Variants in EIF2B4 observed in about 807,000 individuals in gnomAD.
EIF2B4 encodes translation initiation factor eIF2B subunit delta.
In EIF2B4, 34 loss-of-function variants were observed where a neutral mutation model predicts 66.7. That is an observed-to-expected ratio of 0.51 (90% CI 0.39 to 0.68). The LOEUF (loss-of-function observed/expected upper bound fraction) is 0.68. Among genes scored for constraint, EIF2B4 ranks in the 30% least tolerant of loss-of-function variants. The probability of loss-of-function intolerance (pLI) is 0.00; values close to 1 mark genes in which losing one functional copy is unlikely to be tolerated. For synonymous variants in EIF2B4, 278 were observed against 253.6 expected (o/e 1.10, Z -0.92); for missense variants, 618 against 657.9 (o/e 0.94, Z 0.66).
intron 4 of EIF2B4, 94 bp downstream of exon 4, chr2:27,368,912 C>G (rs1682088032): frequency 6.5e-7 from 1 of 1,536,602 alleles, no homozygotes; most frequent in South Asian, 1.1e-5. Context: ...CTCTGGGTCC[C>G]AAGAATGAGA....
intron 1 of EIF2B4, 139 bp downstream of exon 1, chr2:27,370,145 C>T: frequency 6.5e-7 from 1 of 1,534,648 alleles, no homozygotes; most frequent in Non-Finnish European, 8.8e-7. Context: ...CGCGGGACTG[C>T]GCTCGAGACT....
At chr2:27,368,879 G>A (rs1404103366) in intron 4 of EIF2B4, 127 bp downstream of exon 4, 2 of 1,416,928 alleles carry the variant, frequency 1.4e-6, no homozygotes, top group East Asian at 2.3e-5. Context: ...ATAGGATAAT[G>A]GGGTTGCAGG....
chr2:27,369,594 AG>A, intron 2 of EIF2B4, 45 bp from the exon 3 acceptor site: 1 of 1,613,386 alleles, frequency 6.2e-7, no homozygotes, highest in Non-Finnish European at 8.5e-7. Flanking sequence ...ACAATTCCAA[AG>A]GGGAACAAAT....
chr2:27,368,430 T>A lies in EIF2B4; in HGVS notation c.532A>T (p.Ser178Cys), dbSNP rs745575196. The A allele has an allele frequency of 6.2e-7, 1 of 1,614,178 alleles. No homozygotes were observed. Among genetic ancestry groups the A allele is most frequent in the East Asian group, 2.2e-5 (1 of 44,890 alleles). The change falls in exon 6 of 13, where the codon AGT (serine) becomes TGT (cysteine). Residue 178 changes from serine (S) to cysteine (C), a missense_variant. Physicochemically the swap from Ser to Cys is moderately radical, Grantham distance 112. This residue lies in a region of EIF2B4 where 506 missense variants were observed against 511.9 expected (regional missense o/e 0.99). Transcript: ENST00000347454. ...PTRKDYGSKVSLFSHLPQYSR... is the reference protein window; with the variant it reads ...PTRKDYGSKVCLFSHLPQYSR... ...TACTGGGGTAGGTGAGAGAAGAGAC[T>A]GACTTTGGATCCATAATCCTTTCGT...
chr2:27,366,972 G>A (rs755199535), intron 10 of EIF2B4, 36 bp from the exon 11 acceptor site: 6 of 1,613,652 alleles, frequency 3.7e-6, no homozygotes, highest in Admixed American at 3.3e-5. Flanking sequence ...AGTTATAAAT[G>A]TCAGTAACTG....
At chr2:27,369,794 G>C in intron 2 of EIF2B4, 82 bp downstream of exon 2, 3 of 1,499,240 alleles carry the variant, frequency 2.0e-6, no homozygotes, top group Non-Finnish European at 2.7e-6. Flanking sequence ...ACCGACACGG[G>C]ATGGGAGCTG....
At position 27,368,064 on chromosome 2, in the gene EIF2B4, G is replaced by A. The variant is rs1416306656; in HGVS notation, c.666C>T (p.Ser222=). The A allele has an allele frequency of 4.4e-6, 7 of 1,598,290 alleles. No homozygotes were observed. The highest frequency in any genetic ancestry group is 6.0e-6 in the Non-Finnish European group (7 of 1,172,228). The change falls in exon 7 of 13, where the codon TCC becomes TCT. Residue 222 remains serine (S), a synonymous_variant. Coordinates refer to ENST00000347454, the MANE Select transcript of EIF2B4 (RefSeq NM_001034116.2). Reference sequence around the variant, plus strand: ...GAAGCAGGGCAATACACCGGGCATTGGAGCCACTGACCAGGCCCTGGGAGT... The same window carrying A: ...GAAGCAGGGCAATACACCGGGCATTAGAGCCACTGACCAGGCCCTGGGAGT... ...LQYSQGLVSG[S]NARCIALLRA... is the part of the protein sequence containing the mutation.
At chr2:27,369,852 G>A in intron 2 of EIF2B4, 24 bp downstream of exon 2, 1 of 1,564,762 alleles carries the variant, frequency 6.4e-7, no homozygotes, top group Non-Finnish European at 8.7e-7. Flanking sequence ...TTGGCAGGCG[G>A]CTTGGGAGGG....
At chr2:27,368,271 C>T in intron 6 of EIF2B4, 101 bp downstream of exon 6, 1 of 1,359,432 alleles carries the variant, frequency 7.4e-7, no homozygotes, top group Non-Finnish European at 1.0e-6. Context: ...TGGGTTCATA[C>T]TTTTTCCTAC....
Position 27,368,128 on chromosome 2 carries a change from G to C in EIF2B4, c.602C>G (p.Ser201Cys). 1.9e-6 allele frequency: 3 copies of C among 1,591,566 alleles called. No homozygotes were observed. The highest frequency in any genetic ancestry group is 2.6e-6 in the Non-Finnish European group (3 of 1,168,534). Reference protein sequence around the residue: ...SLTQFMSIPSSVIHPAMVRLG... With the variant: ...SLTQFMSIPSCVIHPAMVRLG... ...TCGCACCATGGCTGGGTGGATCACA[G>C]AGGATGGGATGCTGATGGGATGGCG... Residue 201 changes from serine to cysteine, a missense_variant, in exon 7 of 13, where the codon TCT becomes TGT. Physicochemically the swap from Ser to Cys is moderately radical, Grantham distance 112. Around this residue, in one of 4 missense-constraint regions of EIF2B4, gnomAD observed 506 missense variants for 511.9 expected, o/e 0.99. Coordinates refer to ENST00000347454, the MANE Select transcript of EIF2B4 (RefSeq NM_001034116.2).
At chr2:27,367,634 G>C (rs1487217578) in intron 8 of EIF2B4, 75 bp from the exon 9 acceptor site, 1 of 1,590,626 alleles carries the variant, frequency 6.3e-7, no homozygotes, top group Admixed American at 1.7e-5. Flanking sequence ...TAAAAAAAAA[G>C]TCTTTAAAAA....
At chr2:27,367,401 A>G (rs1438625435) in intron 9 of EIF2B4, 56 bp downstream of exon 9, 15 of 1,606,366 alleles carry the variant, frequency 9.3e-6, no homozygotes, top group East Asian at 2.2e-5. Flanking sequence ...AGTTTTTAAC[A>G]TGTTTCTTAA....
Position 27,369,014 on chromosome 2 carries a change from G to C in EIF2B4, c.410C>G (p.Thr137Ser), listed in dbSNP as rs753868838. ...PKASPSTAGETPSGVKRLPEY... is the reference protein window; with the variant it reads ...PKASPSTAGESPSGVKRLPEY... Reference sequence around the variant, plus strand: ...AAATGAAGGGAAGATACCTGAGGGGGTTTCTCCAGCTGTGCTGGGGCTGGC... The same window carrying C: ...AAATGAAGGGAAGATACCTGAGGGGCTTTCTCCAGCTGTGCTGGGGCTGGC... The change falls in exon 4 of 13, where the codon ACC (threonine) becomes AGC (serine). Residue 137 changes from threonine (T) to serine (S), a missense_variant. Thr to Ser is a moderately conservative substitution (Grantham distance 58, BLOSUM62 1). This residue lies in a region of EIF2B4 where 506 missense variants were observed against 511.9 expected (regional missense o/e 0.99). Coordinates refer to ENST00000347454, the MANE Select transcript of EIF2B4 (RefSeq NM_001034116.2). The C allele has an allele frequency of 2.5e-6, 4 of 1,614,158 alleles. No individual in the cohort carries two copies. The Admixed American group carries it at 5.0e-5, about 20-fold the overall frequency.
At position 27,367,803 on chromosome 2, in the gene EIF2B4, G is replaced by A. The variant is rs1049706409; in HGVS notation, c.725C>T (p.Thr242Ile). ...CCTGGAGAGTTCTTCATTAGGCGGT[G>A]TTGTGTAATCCTGAATCACCTATAG... ...ALQQVIQDYTTPPNEELSRDL... is the reference protein window; with the variant it reads ...ALQQVIQDYTIPPNEELSRDL... The change falls in exon 8 of 13, where the codon ACA (threonine) becomes ATA (isoleucine). Residue 242 changes from threonine to isoleucine, a missense_variant. This residue lies in a region of EIF2B4 where 506 missense variants were observed against 511.9 expected (regional missense o/e 0.99). Coordinates refer to ENST00000347454, the MANE Select transcript of EIF2B4 (RefSeq NM_001034116.2). The A allele has an allele frequency of 2.5e-6, 4 of 1,613,960 alleles. No individual in the cohort carries two copies. Among genetic ancestry groups the A allele is most frequent in the Non-Finnish European group, 3.4e-6 (4 of 1,179,980 alleles).
Position 27,369,931 on chromosome 2 carries a change from A to G in EIF2B4, c.32-12T>C. 6.3e-7 allele frequency: 1 copy of G among 1,579,182 alleles called. No homozygotes were observed. Among genetic ancestry groups the G allele is most frequent in the South Asian group, 1.2e-5 (1 of 86,204 alleles). The stretch of plus-strand genomic sequence containing the variant: ...CCCGGATCCCGAGTCTGCATCAGAA[A>G]ACAGGGCACAAAGTGAGCCAGAGAG... On this transcript the variant is annotated splice_polypyrimidine_tract_variant and intron_variant, in intron 1 of 12. Coordinates refer to ENST00000347454, the MANE Select transcript of EIF2B4 (RefSeq NM_001034116.2).
Position 27,368,383 on chromosome 2 carries a change from G to C in EIF2B4, c.579C>G (p.Thr193=). ...TCATAGGATCCTACCTCATAAACTG[G>C]GTCAGAGAGTTTTGTCTGCTGTACT... ...LPQYSRQNSL[T]QFMSIPSSVI... Residue 193 remains threonine (T), a synonymous_variant, in exon 6 of 13, where the codon ACC becomes ACG. Transcript: ENST00000347454. 1 of 1,613,124 alleles carries C rather than the reference G, an allele frequency of 6.2e-7. No homozygotes were observed. Among genetic ancestry groups the C allele is most frequent in the Non-Finnish European group, 8.5e-7 (1 of 1,179,170 alleles).
In EIF2B4 at chr2:27,367,538, G is replaced by C. The variant is rs761353843; in HGVS notation, c.804C>G (p.Pro268=). The C allele has an allele frequency of 1.2e-6, 2 of 1,614,022 alleles. No homozygotes were observed. ...PYMSFLTQCR[P]LSASMHNAIK... Reference sequence around the variant, plus strand: ...TGGCGTTGTGCATGCTCGCTGACAGGGGACGGCACTGAGTCAGGAAGCTAT... The same window carrying C: ...TGGCGTTGTGCATGCTCGCTGACAGCGGACGGCACTGAGTCAGGAAGCTAT... Residue 268 remains proline (P), a synonymous_variant, in exon 9 of 13, where the codon CCC becomes CCG. Transcript: ENST00000347454.
chr2:27,367,650 T>C, intron 8 of EIF2B4, 91 bp from the exon 9 acceptor site: 1 of 1,591,302 alleles, frequency 6.3e-7, no homozygotes, highest in Non-Finnish European at 8.6e-7. Context: ...AAAAAGAAAA[T>C]AGAACACAAA....
Position 27,369,297 on chromosome 2 carries a change from C to G in EIF2B4, c.212-85G>C, listed in dbSNP as rs1682147740. On this transcript the variant is annotated intron_variant, in intron 3 of 12. Transcript: ENST00000347454. ...TAAAACTAGCTTCTCTCCTTGTAAA[C>G]CTCTTTGCTTTACACACTTGCTCAA... 5.6e-6 allele frequency: 9 copies of G among 1,605,460 alleles called. No homozygotes were observed. In the Admixed American group the frequency reaches 1.5e-4, roughly 27 times the overall value.
Sources: gnomAD v4.1 joint callset for allele counts on GRCh38, gnomAD v4.1.1 for gene constraint, gnomAD v4.1.1 regional missense constraint, MANE v1.5 for transcripts, NCBI Gene and HGNC (gene_info 2026-07-23, HGNC 2026-07-21) for gene names.